Variants in ABTB3 observed in about 807,000 individuals in gnomAD.
The protein encoded by ABTB3 is ankyrin repeat- and BTB/POZ domain-containing protein 3.
At chr12:107,348,629 G>A in the ABTB3 span, among the ~76,000 whole-genome samples, 2 of 152,214 alleles carry the variant, frequency 1.3e-5, no homozygotes, top group African/African-American at 4.8e-5. Flanking sequence ...AGAGGCTGAG[G>A]TGGGAAGATT....
chr12:107,385,377 G>C, the ABTB3 span, among the ~76,000 whole-genome samples: 1,482 of 152,290 alleles, frequency 9.7e-3, 37 homozygotes, highest in African/African-American at 0.034. Context: ...AAGGTGTGTA[G>C]GTCAACACAC....
the ABTB3 span, among the ~76,000 whole-genome samples, chr12:107,398,237 G>A: frequency 6.6e-6 from 1 of 152,042 alleles, no homozygotes; most frequent in South Asian, 2.1e-4. Context: ...ACCACCCTGG[G>A]AGGCAGCATG....
chr12:107,319,541 C>A, the ABTB3 span: 5 of 1,552,812 alleles, frequency 3.2e-6, no homozygotes, highest in Non-Finnish European at 4.3e-6. Flanking sequence ...CCGCCTGGGC[C>A]GCGGCAAGTC....
the ABTB3 span, among the ~76,000 whole-genome samples, chr12:107,608,415 C>T: frequency 6.6e-6 from 1 of 152,198 alleles, no homozygotes; most frequent in Admixed American, 6.5e-5. Context: ...GTCACAGGTC[C>T]TCTAGGCCCT....
the ABTB3 span, among the ~76,000 whole-genome samples, chr12:107,589,816 C>G: frequency 2.6e-3 from 399 of 152,284 alleles, 4 homozygotes; most frequent in African/African-American, 8.7e-3. Context: ...AGTTGGGGCC[C>G]AATAAATAAT....
the ABTB3 span, chr12:107,615,267 G>T: frequency 4.9e-6 from 4 of 818,376 alleles, no homozygotes; most frequent in Non-Finnish European, 7.9e-6. Flanking sequence ...CATTCATATT[G>T]GTTAACTGCA....
the ABTB3 span, among the ~76,000 whole-genome samples, chr12:107,489,868 C>T: frequency 6.6e-6 from 1 of 151,908 alleles, no homozygotes; most frequent in African/African-American, 2.4e-5. Context: ...GCTCAAGCGA[C>T]CCTCAGCCTC....
chr12:107,544,160 C>T, the ABTB3 span: 1 of 1,608,608 alleles, frequency 6.2e-7, no homozygotes, highest in East Asian at 2.3e-5. Context: ...CCTTGCCTTG[C>T]CTTGTGGTGG....
At chr12:107,379,409 G>A in the ABTB3 span, among the ~76,000 whole-genome samples, 1 of 152,092 alleles carries the variant, frequency 6.6e-6, no homozygotes, top group African/African-American at 2.4e-5. Context: ...TAGAGAAGAA[G>A]TCTCACGAGA....
At chr12:107,536,995 A>G in the ABTB3 span, among the ~76,000 whole-genome samples, 1 of 152,248 alleles carries the variant, frequency 6.6e-6, no homozygotes, top group African/African-American at 2.4e-5. Flanking sequence ...TCATCAACAG[A>G]TGAATGGATA....
chr12:107,359,119 G>T, the ABTB3 span, among the ~76,000 whole-genome samples: 1 of 152,240 alleles, frequency 6.6e-6, no homozygotes, highest in South Asian at 2.1e-4. Flanking sequence ...GCATCTGGAA[G>T]TTGACATTCA....
the ABTB3 span, among the ~76,000 whole-genome samples, chr12:107,329,054 A>G: frequency 6.6e-6 from 1 of 152,126 alleles, no homozygotes; most frequent in African/African-American, 2.4e-5. Flanking sequence ...AGCTGGCTTT[A>G]TCGTCTCCAG....
At chr12:107,505,893 T>C in the ABTB3 span, among the ~76,000 whole-genome samples, 2 of 152,224 alleles carry the variant, frequency 1.3e-5, no homozygotes, top group South Asian at 2.1e-4. Flanking sequence ...TAGTATTCCA[T>C]GGTGCATATA....
the ABTB3 span, among the ~76,000 whole-genome samples, chr12:107,447,009 T>G: frequency 6.6e-6 from 1 of 152,220 alleles, no homozygotes; most frequent in African/African-American, 2.4e-5. Context: ...ACTCAGGATC[T>G]CATAGCCCCT....
chr12:107,413,293 G>T, the ABTB3 span, among the ~76,000 whole-genome samples: 4 of 151,966 alleles, frequency 2.6e-5, no homozygotes, highest in Admixed American at 1.3e-4. Flanking sequence ...AAAAAAAAGC[G>T]CATTGAAATT....
At chr12:107,549,744 G>T in the ABTB3 span, among the ~76,000 whole-genome samples, 1 of 152,154 alleles carries the variant, frequency 6.6e-6, no homozygotes, top group Non-Finnish European at 1.5e-5. Context: ...CATTGCTTAT[G>T]GCCAGAATGA....
At chr12:107,657,752 T>C in the ABTB3 span, 7 of 1,604,496 alleles carry the variant, frequency 4.4e-6, no homozygotes, top group Admixed American at 1.2e-4. Flanking sequence ...CCCGGGAACT[T>C]TCCAGTTCTC....
chr12:107,534,211 T>TAAA, the ABTB3 span, among the ~76,000 whole-genome samples: 139 of 139,912 alleles, frequency 9.9e-4, no homozygotes, highest in African/African-American at 1.4e-3. Context: ...CCCTGTCTCT[T>TAAA]AAAAAAAAAA....
At chr12:107,585,251 C>T in the ABTB3 span, among the ~76,000 whole-genome samples, 1 of 152,126 alleles carries the variant, frequency 6.6e-6, no homozygotes, top group Non-Finnish European at 1.5e-5. Context: ...GTTTGAGCCA[C>T]GAGTTTATTC....
Sources: allele counts gnomAD v4.1 joint callset (sites outside exome capture counted in the v4.1 genomes callset), GRCh38; gene constraint gnomAD v4.1.1; transcripts MANE v1.5; gene names NCBI Gene and HGNC (gene_info 2026-07-23, HGNC 2026-07-21).